Variants in LDLRAD4 observed in about 807,000 individuals in gnomAD.
The protein encoded by LDLRAD4 is low-density lipoprotein receptor class A domain-containing protein 4.
In LDLRAD4, 5 loss-of-function variants were observed where a neutral mutation model predicts 17.0. The ratio of observed to expected loss-of-function variants is 0.29; its 90% CI spans 0.15 to 0.62. The LOEUF (loss-of-function observed/expected upper bound fraction) is 0.62, where lower values mean the gene tolerates loss of function less well. Ranked by LOEUF, LDLRAD4 falls within the 20% of genes least tolerant of loss-of-function variation. LDLRAD4 has a pLI of 0.84. For synonymous variants in LDLRAD4, 168 were observed against 171.8 expected (o/e 0.98, Z 0.17); for missense variants, 340 against 424.7 (o/e 0.80, Z 1.75).
At position 13,598,266 on chromosome 18, in the gene LDLRAD4, C is replaced by T. The variant is rs1249851144; in HGVS notation, c.182-22851C>T. Among the ~76,000 whole-genome samples the T allele has an allele frequency of 2.6e-5, 4 of 152,316 alleles. No individual in the cohort carries two copies. In the East Asian group the frequency reaches 7.7e-4, roughly 29 times the overall value. On this transcript the variant is annotated intron_variant, in intron 3 of 5. Transcript: ENST00000359446. ...GCAATGTGAAGCCTCTGATGTCACTCCTCAGAGGGCACAGCCTTGGATATG... is the reference window on the plus strand; with the variant it reads ...GCAATGTGAAGCCTCTGATGTCACTTCTCAGAGGGCACAGCCTTGGATATG...
chr18:13,561,118 G>C (rs186391498), intron 3 of LDLRAD4, among the ~76,000 whole-genome samples: 1 of 144,250 alleles, frequency 6.9e-6, no homozygotes, highest in Non-Finnish European at 1.5e-5. Context: ...AGATCTTACT[G>C]TCTCAGGGAA....
chr18:13,616,592 G>C (rs2040103647), intron 3 of LDLRAD4, among the ~76,000 whole-genome samples: 1 of 152,214 alleles, frequency 6.6e-6, no homozygotes, highest in Admixed American at 6.5e-5. Flanking sequence ...ACGCCCTCAG[G>C]GGAGGGCTTC....
At chr18:13,284,485 G>A (rs1014390874) in intron 1 of LDLRAD4, among the ~76,000 whole-genome samples, 3 of 152,102 alleles carry the variant, frequency 2.0e-5, no homozygotes, top group Non-Finnish European at 4.4e-5. Context: ...CTGCTAAAAA[G>A]CCAGCAAATT....
chr18:13,289,113 T>C (rs954474271), intron 1 of LDLRAD4, among the ~76,000 whole-genome samples: 8 of 152,226 alleles, frequency 5.3e-5, no homozygotes, highest in African/African-American at 1.9e-4. Context: ...AAGGCTCCAC[T>C]GCTTGGTATT....
chr18:13,449,831 T>C (rs1301817052), intron 3 of LDLRAD4, among the ~76,000 whole-genome samples: 1 of 152,214 alleles, frequency 6.6e-6, no homozygotes. Flanking sequence ...CCGCAGGCCC[T>C]TGCATGCCAG....
chr18:13,511,360 A>G (rs1450767887), intron 3 of LDLRAD4, among the ~76,000 whole-genome samples: 1 of 152,034 alleles, frequency 6.6e-6, no homozygotes, highest in Non-Finnish European at 1.5e-5. Flanking sequence ...AAAAATACAA[A>G]AATTAGCCGG....
At chr18:13,326,319 C>G (rs537266520) in intron 1 of LDLRAD4, among the ~76,000 whole-genome samples, 41 of 152,146 alleles carry the variant, frequency 2.7e-4, no homozygotes, top group Non-Finnish European at 4.6e-4. Flanking sequence ...TCTTGTGAGA[C>G]TCTAGTTAGT....
At chr18:13,294,376 A>G (rs1385504723) in intron 1 of LDLRAD4, among the ~76,000 whole-genome samples, 2 of 152,238 alleles carry the variant, frequency 1.3e-5, no homozygotes, top group Non-Finnish European at 2.9e-5. Context: ...CCTTCTCCAC[A>G]AGGCTTAATC....
At chr18:13,379,767 C>T (rs1054744904) in intron 1 of LDLRAD4, among the ~76,000 whole-genome samples, 3 of 152,184 alleles carry the variant, frequency 2.0e-5, no homozygotes, top group African/African-American at 7.2e-5. Context: ...AAAATTGTTT[C>T]GTACAAACAG....
intron 1 of LDLRAD4, among the ~76,000 whole-genome samples, chr18:13,220,551 A>G (rs1260237846): frequency 6.6e-6 from 1 of 152,148 alleles, no homozygotes; most frequent in Non-Finnish European, 1.5e-5. Flanking sequence ...AGACTCCTGC[A>G]CCCCACCCTA....
chr18:13,228,989 C>T (rs919499577), intron 1 of LDLRAD4, among the ~76,000 whole-genome samples: 6 of 152,228 alleles, frequency 3.9e-5, no homozygotes, highest in Non-Finnish European at 8.8e-5. Context: ...AATGTGAATC[C>T]TCATCCTTTG....
intron 3 of LDLRAD4, among the ~76,000 whole-genome samples, chr18:13,550,354 AG>A (rs1237480197): frequency 1.3e-5 from 2 of 152,108 alleles, no homozygotes; most frequent in Non-Finnish European, 2.9e-5. Flanking sequence ...AAGCTAGCAT[AG>A]GAAAAAAACC....
rs1157718015 is a variant in LDLRAD4, at chr18:13,610,265, ATTTTTTTTTTTTTTTTTT to A, written c.182-10829_182-10812del. ...TTCCATGAAGTTCACCAAAGCCCTA[ATTTTTTTTTTTTTTTTTT>A]TTTTTTTTTTTTTTTTTTTTTTGAG... On this transcript the variant is annotated intron_variant, in intron 3 of 5. Transcript: ENST00000359446. Among the ~76,000 whole-genome samples, 69 of 62,508 alleles carry A rather than the reference ATTTTTTTTTTTTTTTTTT, an allele frequency of 1.1e-3. 2 individuals carry two copies. The highest frequency in any genetic ancestry group is 2.7e-3 in the African/African-American group (49 of 18,414). The allele number at this position is 62,508 out of a possible 152,430, so 41.0% of individuals were successfully genotyped here.
intron 1 of LDLRAD4, among the ~76,000 whole-genome samples, chr18:13,302,851 A>G (rs1163028914): frequency 6.6e-6 from 1 of 151,878 alleles, no homozygotes; most frequent in Non-Finnish European, 1.5e-5. Context: ...GTTTTGTTAT[A>G]TGGAGTTATG....
At chr18:13,370,424 C>T (rs796321667) in intron 1 of LDLRAD4, among the ~76,000 whole-genome samples, 2 of 152,170 alleles carry the variant, frequency 1.3e-5, no homozygotes, top group African/African-American at 4.8e-5. Context: ...ACCTGTGGAA[C>T]CACATCTTAA....
intron 3 of LDLRAD4, chr18:13,520,162 T>A (rs181580316): frequency 2.0e-5 from 3 of 152,344 alleles, no homozygotes; most frequent in Non-Finnish European, 4.4e-5. Context: ...GAAATGTTGC[T>A]GGTAATTCTT....
chr18:13,354,829 A>G (rs1020438948), intron 1 of LDLRAD4, among the ~76,000 whole-genome samples: 1 of 152,210 alleles, frequency 6.6e-6, no homozygotes, highest in Non-Finnish European at 1.5e-5. Flanking sequence ...AGATGAAGAT[A>G]GATGTGCTGT....
chr18:13,561,686 C>T (rs1165809710), intron 3 of LDLRAD4: 1 of 152,140 alleles, frequency 6.6e-6, no homozygotes, highest in Non-Finnish European at 1.5e-5. Context: ...TATGCCGAAG[C>T]GTGTCTTGAC....
intron 1 of LDLRAD4, among the ~76,000 whole-genome samples, chr18:13,371,249 G>C (rs1196839948): frequency 6.6e-6 from 1 of 152,164 alleles, no homozygotes; most frequent in South Asian, 2.1e-4. Flanking sequence ...GCTGAGATGG[G>C]GGGGCCAGGG....
Sources: allele counts gnomAD v4.1 joint callset (sites outside exome capture counted in the v4.1 genomes callset), GRCh38; gene constraint gnomAD v4.1.1; transcripts MANE v1.5; gene names NCBI Gene and HGNC (gene_info 2026-07-23, HGNC 2026-07-21).